GAS2: variants seen among roughly 807,000 people sequenced by gnomAD.
The protein encoded by GAS2 is growth arrest specific 2.
In GAS2, 20 loss-of-function variants were observed where a neutral mutation model predicts 37.5. The observed-to-expected ratio is 0.53, with a 90% confidence interval of 0.37 to 0.77. GAS2 has a LOEUF of 0.77. Ranked by LOEUF, GAS2 falls within the 30% of genes least tolerant of loss-of-function variation. The probability of loss-of-function intolerance (pLI) is 0.00; values close to 1 mark genes in which losing one functional copy is unlikely to be tolerated. For synonymous variants in GAS2, 144 were observed against 132.2 expected (o/e 1.09, Z -0.61); for missense variants, 336 against 373.4 (o/e 0.90, Z 0.82).
At chr11:22,712,317 G>A (rs746791393) in intron 3 of GAS2, among the ~76,000 whole-genome samples, 10 of 152,110 alleles carry the variant, frequency 6.6e-5, no homozygotes, top group Non-Finnish European at 1.0e-4. Context: ...TGCCATCTCC[G>A]CCAGAGCAGG....
chr11:22,762,393 A>G (rs375430434), intron 7 of GAS2, among the ~76,000 whole-genome samples: 22 of 152,218 alleles, frequency 1.4e-4, no homozygotes, highest in African/African-American at 3.6e-4. Context: ...TCTTTTTATT[A>G]CAGGTGAAAA....
intron 7 of GAS2, among the ~76,000 whole-genome samples, chr11:22,806,413 G>T (rs941808663): frequency 1.3e-5 from 2 of 152,176 alleles, no homozygotes; most frequent in African/African-American, 4.8e-5. Context: ...AAACCTGGGA[G>T]TGCAGATATC....
intron 3 of GAS2, among the ~76,000 whole-genome samples, chr11:22,724,161 C>T (rs1852081136): frequency 6.6e-6 from 1 of 151,846 alleles, no homozygotes; most frequent in African/African-American, 2.4e-5. Flanking sequence ...TATACACACA[C>T]TAATGTGTAC....
chr11:22,680,327 G>T (rs575093256), intron 2 of GAS2, among the ~76,000 whole-genome samples: 5 of 152,160 alleles, frequency 3.3e-5, no homozygotes, highest in Admixed American at 2.0e-4. Context: ...GATCTTTTTT[G>T]ATATAAATGC....
intron 3 of GAS2, among the ~76,000 whole-genome samples, chr11:22,717,221 T>A (rs1001807240): frequency 6.6e-6 from 1 of 152,028 alleles, no homozygotes; most frequent in Non-Finnish European, 1.5e-5. Context: ...ACAAATCCGA[T>A]GGCATCACAT....
At chr11:22,648,317 G>A (rs1033182362) in intron 1 of GAS2, among the ~76,000 whole-genome samples, 8 of 152,102 alleles carry the variant, frequency 5.3e-5, no homozygotes, top group Admixed American at 3.3e-4. Context: ...TGCTGTTTTG[G>A]TTATTGTAGC....
Position 22,697,600 on chromosome 11 carries a change from TG to T in GAS2, c.267+11812del, listed in dbSNP as rs886117817. ...AGCATGGAATGTTCTTCCATTTGTT[TG>T]TATCCTCTTTTATTTCATTGAGCAG... On this transcript the variant is annotated intron_variant, in intron 3 of 7. Coordinates refer to ENST00000454584, the MANE Select transcript of GAS2 (RefSeq NM_001143830.3). Among the ~76,000 whole-genome samples the T allele has an allele frequency of 5.8e-3, 888 of 152,306 alleles. 12 individuals are homozygous for T. The highest frequency in any genetic ancestry group is 0.019 in the African/African-American group (806 of 41,562).
chr11:22,790,192 T>C (rs1289626009), intron 7 of GAS2, among the ~76,000 whole-genome samples: 1 of 152,146 alleles, frequency 6.6e-6, no homozygotes, highest in African/African-American at 2.4e-5. Context: ...GTGAGGTAAT[T>C]GGAACACTGA....
At chr11:22,637,013 A>G (rs1858832262) in intron 1 of GAS2, among the ~76,000 whole-genome samples, 1 of 137,508 alleles carries the variant, frequency 7.3e-6, no homozygotes, top group Admixed American at 7.6e-5. Context: ...TATTTATATT[A>G]TTATATATTA....
At chr11:22,742,160 G>C (rs751348921) in intron 5 of GAS2, among the ~76,000 whole-genome samples, 18 of 151,784 alleles carry the variant, frequency 1.2e-4, no homozygotes, top group African/African-American at 3.9e-4. Context: ...TTGAGTATTC[G>C]CCCTACTTTC....
At chr11:22,654,035 G>A (rs376003949) in intron 1 of GAS2, among the ~76,000 whole-genome samples, 8 of 152,280 alleles carry the variant, frequency 5.3e-5, no homozygotes, top group South Asian at 4.1e-4. Flanking sequence ...AAATTATTTT[G>A]ATTCTTGAAT....
intron 7 of GAS2, among the ~76,000 whole-genome samples, chr11:22,808,903 A>G (rs1417318757): frequency 6.6e-6 from 1 of 152,248 alleles, no homozygotes; most frequent in Non-Finnish European, 1.5e-5. Flanking sequence ...GAATATGTGG[A>G]TGAAATTATA....
At position 22,730,266 on chromosome 11, in the gene GAS2, T is replaced by C. The variant is rs78047733; in HGVS notation, c.409+3833T>C. 2.1e-3 allele frequency among the ~76,000 whole-genome samples: 312 copies of C among 151,976 alleles called. 9 individuals are homozygous for C. In the East Asian group the frequency reaches 0.05, roughly 24 times the overall value. The stretch of plus-strand genomic sequence containing the variant: ...CAATTATCTATTAACAAACTTAAGA[T>C]AGTGAAGAATTATGGCATGTAATCT... On this transcript the variant is annotated intron_variant, in intron 4 of 7. Coordinates refer to ENST00000454584, the MANE Select transcript of GAS2 (RefSeq NM_001143830.3).
At chr11:22,700,933 A>G (rs1461832786) in intron 3 of GAS2, among the ~76,000 whole-genome samples, 2 of 152,000 alleles carry the variant, frequency 1.3e-5, no homozygotes, top group African/African-American at 2.4e-5. Flanking sequence ...AGATGAAATC[A>G]TTTTTTTTCT....
At chr11:22,693,632 A>C (rs905736433) in intron 3 of GAS2, among the ~76,000 whole-genome samples, 1 of 152,202 alleles carries the variant, frequency 6.6e-6, no homozygotes, top group Admixed American at 6.5e-5. Flanking sequence ...TTGCACATTC[A>C]GGTAAAACTA....
chr11:22,758,876 G>T (rs183672339), intron 7 of GAS2, among the ~76,000 whole-genome samples: 30 of 129,544 alleles, frequency 2.3e-4, no homozygotes, highest in Non-Finnish European at 9.4e-5. Flanking sequence ...TCATGCCATC[G>T]CACTCCAGCC....
intron 3 of GAS2, among the ~76,000 whole-genome samples, chr11:22,694,138 C>G (rs766327566): frequency 9.2e-5 from 14 of 152,098 alleles, no homozygotes; most frequent in Admixed American, 2.0e-4. Context: ...TATAACAAAC[C>G]TGCACTTGTA....
At chr11:22,761,542 C>T (rs1854392970) in intron 7 of GAS2, among the ~76,000 whole-genome samples, 2 of 152,032 alleles carry the variant, frequency 1.3e-5, no homozygotes, top group Admixed American at 6.6e-5. Context: ...AATATTGTAC[C>T]TTAGGGTTGT....
At chr11:22,789,447 TATATA>T (rs1856018711) in intron 7 of GAS2, among the ~76,000 whole-genome samples, 1 of 100,212 alleles carries the variant, frequency 1.0e-5, no homozygotes, top group African/African-American at 3.4e-5. Context: ...TATATATATA[TATATA>T]TATTCTTTTT....
Sources: gnomAD v4.1 joint callset for allele counts (sites outside exome capture counted in the v4.1 genomes callset) on GRCh38, gnomAD v4.1.1 for gene constraint, MANE v1.5 for transcripts, NCBI Gene and HGNC (gene_info 2026-07-23, HGNC 2026-07-21) for gene names.